The following SLCO3A1 variants were observed in gnomAD, a reference collection of about 807,000 sequenced individuals.
The protein encoded by SLCO3A1 is solute carrier organic anion transporter family member 3A1, also known as PGE1 transporter.
In SLCO3A1, 27 loss-of-function variants were observed where a neutral mutation model predicts 63.1. The ratio of observed to expected loss-of-function variants is 0.43; its 90% CI spans 0.32 to 0.59. SLCO3A1 has a LOEUF of 0.59. Among genes scored for constraint, SLCO3A1 ranks in the 20% least tolerant of loss-of-function variants. The pLI, the probability that SLCO3A1 is intolerant of heterozygous loss-of-function variation, is 0.09. For missense variants in SLCO3A1, 773 were observed against 945.8 expected, an observed-to-expected ratio of 0.82 and a Z score of 2.40; for synonymous variants, 473 against 409.9, an observed-to-expected ratio of 1.15 and a Z score of -1.86.
chr15:91,884,788 C>T (rs1009308565), intron 1 of SLCO3A1, among the ~76,000 whole-genome samples: 3 of 151,918 alleles, frequency 2.0e-5, no homozygotes, highest in Admixed American at 2.0e-4. Flanking sequence ...GTTTGGATTA[C>T]GCATTTTTTT....
chr15:91,915,650 T>C (rs1392283330), intron 1 of SLCO3A1, among the ~76,000 whole-genome samples: 1 of 152,098 alleles, frequency 6.6e-6, no homozygotes, highest in Non-Finnish European at 1.5e-5. Context: ...AGGACTTTTA[T>C]AGGTTTTCAT....
At chr15:92,132,503 C>T (rs773263369) in intron 7 of SLCO3A1, among the ~76,000 whole-genome samples, 3 of 144,264 alleles carry the variant, frequency 2.1e-5, no homozygotes, top group Non-Finnish European at 4.6e-5. Context: ...ATATATGGTC[C>T]AGATTGTTTC....
At chr15:91,922,703 G>T (rs925782969) in intron 2 of SLCO3A1, among the ~76,000 whole-genome samples, 1 of 152,196 alleles carries the variant, frequency 6.6e-6, no homozygotes, top group Non-Finnish European at 1.5e-5. Flanking sequence ...GCCATCTCTC[G>T]TGGGAGCAAG....
At chr15:92,003,858 A>G (rs1004038171) in intron 2 of SLCO3A1, among the ~76,000 whole-genome samples, 26 of 152,264 alleles carry the variant, frequency 1.7e-4, no homozygotes, top group African/African-American at 6.3e-4. Context: ...ATGAGGTGGC[A>G]CTGGAGTAGG....
intron 7 of SLCO3A1, among the ~76,000 whole-genome samples, chr15:92,142,841 G>A (rs1448971899): frequency 1.3e-5 from 2 of 152,124 alleles, no homozygotes; most frequent in Non-Finnish European, 2.9e-5. Flanking sequence ...ACTTTTTAGG[G>A]CAGAGAGAGG....
rs1900700083 is a variant in SLCO3A1 at position 91,967,451 on chromosome 15, T to A, written c.646+50993T>A. On this transcript the variant is annotated intron_variant, in intron 2 of 9. Transcript: ENST00000318445. This position sits in a 1 kb window ranked among gnomAD's most constrained non-coding sequence, Gnocchi z 4.4. ...TAGAATGTCCCTCCTCTGGTTATGCTTTTCTTTGGCTAATAGTATCATTTG... is the reference window on the plus strand; with the variant it reads ...TAGAATGTCCCTCCTCTGGTTATGCATTTCTTTGGCTAATAGTATCATTTG... 6.6e-6 allele frequency among the ~76,000 whole-genome samples: 1 copy of A among 152,196 alleles called. No homozygotes were observed. The highest frequency in any genetic ancestry group is 6.5e-5 in the Admixed American group (1 of 15,288).
At chr15:91,970,107 C>G (rs1251266246) in intron 2 of SLCO3A1, among the ~76,000 whole-genome samples, 1 of 151,846 alleles carries the variant, frequency 6.6e-6, no homozygotes, top group East Asian at 1.9e-4. Context: ...ACAAAAAAAA[C>G]TTACAGCCTT....
rs202140776 is a variant in SLCO3A1, at chr15:92,159,483, CA to C, written c.1754-3259del. 0.022 allele frequency among the ~76,000 whole-genome samples: 2,845 copies of C among 128,224 alleles called. 212 individuals carry two copies. In the East Asian group the frequency reaches 0.3, roughly 13 times the overall value. The allele number at this position is 128,224 out of a possible 152,430, so 84.1% of individuals were successfully genotyped here. A position where few individuals can be genotyped will look rare whatever the true frequency, so the allele number is the denominator to read the frequency against. On this transcript the variant is annotated intron_variant, in intron 9 of 9. Transcript: ENST00000318445. ...CTGGCCACAGAACGAAACTCTGTCT[CA>C]AAAAAAAAAAAAATTTATTTCATCT...
intron 6 of SLCO3A1, 64 bp downstream of exon 6, chr15:92,126,323 A>C: frequency 7.1e-7 from 1 of 1,400,384 alleles, no homozygotes; most frequent in Non-Finnish European, 1.0e-6. Flanking sequence ...CTCCCTCTGC[A>C]GTAGGTTGAG....
chr15:92,151,043 AATGAATTGGATGCTTAT>A, intron 9 of SLCO3A1, 29 bp downstream of exon 9: 1 of 1,474,614 alleles, frequency 6.8e-7, no homozygotes, highest in Non-Finnish European at 9.5e-7. Context: ...TTTCCTCAAT[AATGAATTGGATGCTTAT>A]TACTAGGTGA....
chr15:92,127,644 T>C (rs1323983684), intron 6 of SLCO3A1, among the ~76,000 whole-genome samples: 1 of 152,366 alleles, frequency 6.6e-6, no homozygotes, highest in Non-Finnish European at 1.5e-5. Context: ...TCCTCTCTTA[T>C]AGAGCTAATA....
At chr15:91,985,166 A>G (rs2046036455) in intron 2 of SLCO3A1, among the ~76,000 whole-genome samples, 1 of 152,026 alleles carries the variant, frequency 6.6e-6, no homozygotes, top group Admixed American at 6.5e-5. Flanking sequence ...CTCTCTTTTG[A>G]TATCTGTTAC....
chr15:92,135,847 C>T (rs1301290905), intron 7 of SLCO3A1, among the ~76,000 whole-genome samples: 6 of 152,140 alleles, frequency 3.9e-5, no homozygotes, highest in Admixed American at 6.5e-5. Context: ...TGGTACTCCC[C>T]GGTAAACTCC....
chr15:92,147,036 T>G lies in SLCO3A1; in HGVS notation c.1565T>G (p.Val522Gly). The change falls in exon 8 of 10, where the codon GTG (valine) becomes GGG (glycine). Residue 522 changes from valine (V) to glycine (G), a missense_variant. Around this residue, in one of 3 missense-constraint regions of SLCO3A1, gnomAD observed 565 missense variants for 749.8 expected, o/e 0.75. Transcript: ENST00000318445. ...LTTVPAENAT[V>G]VPGKCPSPGC... ...ACCGTCCCTGCTGAGAACGCAACCG[T>G]GGTTCCTGGAAAATGCCCCAGTCCT... 1 of 1,614,104 alleles carries G rather than the reference T, an allele frequency of 6.2e-7. No homozygotes were observed. The highest frequency in any genetic ancestry group is 8.5e-7 in the Non-Finnish European group (1 of 1,180,020).
intron 3 of SLCO3A1, among the ~76,000 whole-genome samples, chr15:92,097,373 G>A (rs576141931): frequency 9.3e-4 from 141 of 152,312 alleles, no homozygotes; most frequent in African/African-American, 3.3e-3. Flanking sequence ...TTTTCTCAGT[G>A]CCTGAAATGA....
intron 7 of SLCO3A1, 53 bp from the exon 8 acceptor site, chr15:92,146,931 C>T: frequency 2.6e-6 from 4 of 1,527,638 alleles, no homozygotes; most frequent in African/African-American, 1.4e-5. Context: ...ATGGCTTTGC[C>T]TTTGGAAACC....
chr15:92,047,002 T>C (rs1346506319), intron 2 of SLCO3A1, among the ~76,000 whole-genome samples: 1 of 90,478 alleles, frequency 1.1e-5, no homozygotes, highest in Non-Finnish European at 2.1e-5. Context: ...TAAATATATA[T>C]ATATAAATAT....
At chr15:92,004,662 T>C (rs1286002398) in intron 2 of SLCO3A1, among the ~76,000 whole-genome samples, 1 of 152,212 alleles carries the variant, frequency 6.6e-6, no homozygotes, top group Non-Finnish European at 1.5e-5. Context: ...GAAGGACACT[T>C]TGAGTTTGGC....
At chr15:91,893,745 C>G (rs533815075) in intron 1 of SLCO3A1, among the ~76,000 whole-genome samples, 3 of 152,308 alleles carry the variant, frequency 2.0e-5, no homozygotes, top group African/African-American at 7.2e-5. Flanking sequence ...AGAGTTAGAA[C>G]TTTTAGGCCG....
Sources: gnomAD v4.1 joint callset for allele counts (sites outside exome capture counted in the v4.1 genomes callset) on GRCh38, gnomAD v4.1.1 for gene constraint, gnomAD v4.1.1 regional missense constraint, Gnocchi (gnomAD v3.1) non-coding constraint, MANE v1.5 for transcripts, NCBI Gene and HGNC (gene_info 2026-07-23, HGNC 2026-07-21) for gene names.